OTUD7A: variants seen among roughly 807,000 people sequenced by gnomAD.
OTUD7A encodes OTU deubiquitinase 7A, also known as OTU domain-containing protein 7A.
OTUD7A carries 12 observed loss-of-function variants against 65.7 expected under a neutral mutation model. That is an observed-to-expected ratio of 0.18 (90% confidence interval 0.12 to 0.30). The LOEUF (loss-of-function observed/expected upper bound fraction) is 0.30, where lower values mean the gene tolerates loss of function less well. OTUD7A is among the 10% of genes least tolerant of loss of function. The pLI is 1.00. For synonymous variants in OTUD7A, 641 were observed against 586.3 expected (o/e 1.09, Z -1.35); for missense variants, 1,148 against 1,304.8 (o/e 0.88, Z 1.85).
intron 1 of OTUD7A, among the ~76,000 whole-genome samples, chr15:31,841,466 T>C (rs1377192184): frequency 6.6e-6 from 1 of 152,196 alleles, no homozygotes; most frequent in East Asian, 1.9e-4. Context: ...GTGGTGGCTC[T>C]ACGCTGCCTC....
At chr15:31,584,762 C>T (rs1889477984) in intron 3 of OTUD7A, among the ~76,000 whole-genome samples, 1 of 152,090 alleles carries the variant, frequency 6.6e-6, no homozygotes, top group African/African-American at 2.4e-5. Context: ...CCAATAGATG[C>T]AGTGGAAAAG....
At chr15:31,699,410 T>C (rs1430117278) in intron 1 of OTUD7A, among the ~76,000 whole-genome samples, 3 of 152,112 alleles carry the variant, frequency 2.0e-5, no homozygotes, top group Non-Finnish European at 4.4e-5. Flanking sequence ...GGGTCCGAGG[T>C]GAGTTTCAGG....
At chr15:31,801,416 TTCTGGTTTGCAGAGGC>T (rs902094836) in intron 1 of OTUD7A, among the ~76,000 whole-genome samples, 5 of 152,240 alleles carry the variant, frequency 3.3e-5, no homozygotes, top group African/African-American at 7.2e-5. Flanking sequence ...AACCCAGCCC[TTCTGGTTTGCAGAGGC>T]TCTGGTTTGC....
At chr15:31,635,082 C>T (rs1373659041) in intron 3 of OTUD7A, among the ~76,000 whole-genome samples, 2 of 152,168 alleles carry the variant, frequency 1.3e-5, no homozygotes, top group African/African-American at 4.8e-5. Flanking sequence ...TTGGTTTCTG[C>T]CTTCTAAAGC....
intron 10 of OTUD7A, among the ~76,000 whole-genome samples, chr15:31,499,262 G>A (rs2041429371): frequency 6.6e-6 from 1 of 152,210 alleles, no homozygotes; most frequent in Non-Finnish European, 1.5e-5. Context: ...CCTGGGGCTT[G>A]TGATTATTGT....
intron 1 of OTUD7A, among the ~76,000 whole-genome samples, chr15:31,856,787 A>C (rs1300882249): frequency 6.6e-6 from 1 of 152,238 alleles, no homozygotes. Context: ...AAAAGGAAAG[A>C]ACACAAGGAA....
chr15:31,739,703 G>C (rs1894286690), intron 1 of OTUD7A, among the ~76,000 whole-genome samples: 1 of 151,992 alleles, frequency 6.6e-6, no homozygotes, highest in Non-Finnish European at 1.5e-5. Flanking sequence ...AGTGATTCTT[G>C]TGCCTCAGCC....
intron 5 of OTUD7A, chr15:31,556,179 A>G (rs1171093964): frequency 2.0e-5 from 3 of 152,218 alleles, no homozygotes; most frequent in African/African-American, 7.2e-5. Context: ...CGAGGAAGAC[A>G]TGTTGGCTAC....
rs564401609 is a variant in OTUD7A, at chr15:31,504,231, G to A, written c.894-413C>T. ...GTTTATTTCTCTCAGGGACCCAGGG[G>A]TTCCCTGGGCACATCTGATGGGCTG... On this transcript the variant is annotated intron_variant, in intron 8 of 12. Coordinates refer to ENST00000307050, the MANE Select transcript of OTUD7A (RefSeq NM_001382637.1). Among the ~76,000 whole-genome samples, 5 of 152,258 alleles carry A rather than the reference G, an allele frequency of 3.3e-5. 1 individual carries two copies. In the South Asian group the frequency reaches 6.2e-4, roughly 19 times the overall value.
chr15:31,748,555 T>C lies in OTUD7A; in HGVS notation c.-99-91478A>G, dbSNP rs944923126. Among the ~76,000 whole-genome samples the C allele has an allele frequency of 1.1e-4, 17 of 152,198 alleles. No individual in the cohort carries two copies. In the East Asian group the frequency reaches 3.1e-3, roughly 28 times the overall value. On this transcript the variant is annotated intron_variant, in intron 1 of 12. Coordinates refer to ENST00000307050, the MANE Select transcript of OTUD7A (RefSeq NM_001382637.1). ...ATATATGGGGTCCTTTGTGTCATTT[T>C]TGCAACTTTTCTATACATGTGGAAG... is the stretch of plus-strand genomic sequence containing the variant.
chr15:31,756,624 C>T (rs1246880582), intron 1 of OTUD7A, among the ~76,000 whole-genome samples: 1 of 129,962 alleles, frequency 7.7e-6, no homozygotes, highest in African/African-American at 3.1e-5. Flanking sequence ...ACCCAGTGTA[C>T]CCAACACACA....
At chr15:31,579,535 G>A (rs1439925316) in intron 3 of OTUD7A, among the ~76,000 whole-genome samples, 1 of 152,202 alleles carries the variant, frequency 6.6e-6, no homozygotes, top group African/African-American at 2.4e-5. Context: ...ATTCACATCA[G>A]AGTGAGATTT....
At chr15:31,688,141 G>A (rs565267731) in intron 1 of OTUD7A, among the ~76,000 whole-genome samples, 10 of 152,018 alleles carry the variant, frequency 6.6e-5, no homozygotes, top group African/African-American at 2.2e-4. Flanking sequence ...GCTTGAATCC[G>A]GTAGGTGGAG....
intron 5 of OTUD7A, among the ~76,000 whole-genome samples, chr15:31,549,242 C>T (rs1362514772): frequency 6.6e-6 from 1 of 151,958 alleles, no homozygotes; most frequent in African/African-American, 2.4e-5. Context: ...AAAAGTGGCA[C>T]ATCAGGAAAT....
intron 1 of OTUD7A, among the ~76,000 whole-genome samples, chr15:31,777,739 G>A (rs1262223369): frequency 6.6e-6 from 1 of 152,238 alleles, no homozygotes; most frequent in Non-Finnish European, 1.5e-5. Flanking sequence ...GAGTAGGTGG[G>A]TGCGTGGGTT....
intron 8 of OTUD7A, among the ~76,000 whole-genome samples, chr15:31,518,039 C>G (rs1184876946): frequency 6.6e-6 from 1 of 152,154 alleles, no homozygotes; most frequent in African/African-American, 2.4e-5. Context: ...TCCTGTTTTG[C>G]TTGGGAAAGT....
At chr15:31,601,864 T>A (rs192329121) in intron 3 of OTUD7A, among the ~76,000 whole-genome samples, 33 of 152,226 alleles carry the variant, frequency 2.2e-4, no homozygotes, top group Non-Finnish European at 4.0e-4. Flanking sequence ...AAGAAACGGA[T>A]AAATTCCTGG....
At chr15:31,490,228 G>A (rs965837096) in intron 10 of OTUD7A, among the ~76,000 whole-genome samples, 7 of 152,198 alleles carry the variant, frequency 4.6e-5, no homozygotes, top group Non-Finnish European at 1.0e-4. Context: ...TTGCCCTCTG[G>A]TGGTAAATGT....
chr15:31,594,272 T>C (rs1457669182), intron 3 of OTUD7A, among the ~76,000 whole-genome samples: 4 of 152,268 alleles, frequency 2.6e-5, no homozygotes. Context: ...TTCAGTTAAA[T>C]CGTTTCAGTT....
Sources: allele counts gnomAD v4.1 joint callset (sites outside exome capture counted in the v4.1 genomes callset), GRCh38; gene constraint gnomAD v4.1.1; transcripts MANE v1.5; gene names NCBI Gene and HGNC (gene_info 2026-07-23, HGNC 2026-07-21).